CDH13: variants seen among roughly 807,000 people sequenced by gnomAD.
CDH13 encodes the protein cadherin-13.
Under a neutral mutation model 63.8 loss-of-function variants are expected in CDH13, and 24 were observed. The ratio of observed to expected loss-of-function variants is 0.38; its 90% CI spans 0.27 to 0.53. The LOEUF is 0.53. Among genes scored for constraint, CDH13 ranks in the 20% least tolerant of loss-of-function variants. The pLI is 0.85. For synonymous variants in CDH13, 503 were observed against 355.3 expected (o/e 1.42, Z -4.67); for missense variants, 1,049 against 903.1 (o/e 1.16, Z -2.07).
intron 1 of CDH13, among the ~76,000 whole-genome samples, chr16:82,822,578 C>A (rs1288876558): frequency 6.6e-6 from 1 of 152,182 alleles, no homozygotes; most frequent in African/African-American, 2.4e-5. Flanking sequence ...CTCACTGTAG[C>A]CTTCACCTTC....
intron 1 of CDH13, among the ~76,000 whole-genome samples, chr16:82,848,520 T>G (rs752274567): frequency 4.6e-5 from 7 of 152,166 alleles, no homozygotes; most frequent in Non-Finnish European, 1.0e-4. Flanking sequence ...ATTATTACTT[T>G]GTCTATTTTG....
intron 4 of CDH13, among the ~76,000 whole-genome samples, chr16:83,148,082 C>T (rs1310576514): frequency 1.3e-5 from 2 of 152,128 alleles, no homozygotes; most frequent in East Asian, 1.9e-4. Context: ...GGATTACAGG[C>T]GTGCGCCACC....
At chr16:82,866,960 G>A (rs2040171153) in intron 2 of CDH13, among the ~76,000 whole-genome samples, 1 of 152,136 alleles carries the variant, frequency 6.6e-6, no homozygotes, top group African/African-American at 2.4e-5. Context: ...ATTTGGGTGG[G>A]GCCACAAAGC....
chr16:83,101,526 C>G (rs1419238772), intron 3 of CDH13, among the ~76,000 whole-genome samples: 1 of 151,584 alleles, frequency 6.6e-6, no homozygotes, highest in African/African-American at 2.4e-5. Context: ...GGCGTGGTGG[C>G]TAATGCCTCT....
At chr16:83,500,282 C>CTT (rs1407582236) in intron 7 of CDH13, among the ~76,000 whole-genome samples, 5 of 2,708 alleles carry the variant, frequency 1.8e-3, no homozygotes, top group Non-Finnish European at 0.029. Context: ...TCTTCTTCTT[C>CTT]TTCTTCTTCT....
intron 5 of CDH13, among the ~76,000 whole-genome samples, chr16:83,243,849 T>C (rs928082323): frequency 6.6e-6 from 1 of 152,226 alleles, no homozygotes; most frequent in Non-Finnish European, 1.5e-5. Context: ...ATGGGCAACC[T>C]ATTGAACACA....
intron 1 of CDH13, among the ~76,000 whole-genome samples, chr16:82,673,429 A>G (rs1484725547): frequency 1.3e-5 from 2 of 152,198 alleles, no homozygotes; most frequent in South Asian, 2.1e-4. Flanking sequence ...AGCCTTGGGA[A>G]TTAAAATTTT....
intron 6 of CDH13, among the ~76,000 whole-genome samples, chr16:83,379,815 C>A (rs1424174): frequency 0.99 from 150,465 of 151,672 alleles, 74,642 homozygotes; most frequent in East Asian, 1. Flanking sequence ...ATAAAACTGC[C>A]ATTCAAAGGA....
chr16:83,332,623 A>T (rs2090503487), intron 5 of CDH13, among the ~76,000 whole-genome samples: 1 of 152,056 alleles, frequency 6.6e-6, no homozygotes. Context: ...AATCCCCTTA[A>T]CCCTTGTACA....
intron 7 of CDH13, among the ~76,000 whole-genome samples, chr16:83,592,437 A>T (rs1289232634): frequency 6.6e-6 from 1 of 152,216 alleles, no homozygotes; most frequent in Non-Finnish European, 1.5e-5. Flanking sequence ...CACTAAATAA[A>T]TGTTTCAGTG....
chr16:83,256,733 T>C lies in CDH13; in HGVS notation c.636+39236T>C, dbSNP rs1256225751. On this transcript the variant is annotated intron_variant, in intron 5 of 13. Transcript: ENST00000567109. The stretch of plus-strand genomic sequence containing the variant: ...GGTGGCGGCTGCCTGTAGTCCCAGC[T>C]ACTTGGGAGGCTGAGGCAGGAGAAT... 1.0e-4 allele frequency among the ~76,000 whole-genome samples: 15 copies of C among 146,764 alleles called. No homozygotes were observed. In the East Asian group the frequency reaches 2.8e-3, roughly 28 times the overall value.
chr16:83,155,086 C>T (rs970359850), intron 4 of CDH13, among the ~76,000 whole-genome samples: 1 of 152,332 alleles, frequency 6.6e-6, no homozygotes, highest in East Asian at 1.9e-4. Flanking sequence ...TCTGTGGGAA[C>T]AGTCAAATTT....
chr16:82,921,590 A>T (rs752271285), intron 2 of CDH13, among the ~76,000 whole-genome samples: 3 of 152,196 alleles, frequency 2.0e-5, no homozygotes, highest in Non-Finnish European at 2.9e-5. Flanking sequence ...AGGGCTCAGG[A>T]TCTGACATCT....
At chr16:83,545,676 A>G (rs910643653) in intron 7 of CDH13, among the ~76,000 whole-genome samples, 5 of 152,074 alleles carry the variant, frequency 3.3e-5, no homozygotes, top group Admixed American at 2.6e-4. Flanking sequence ...GCCATCCTTT[A>G]GACTCTCCAT....
At chr16:83,180,494 T>C (rs1295837846) in intron 4 of CDH13, among the ~76,000 whole-genome samples, 1 of 152,246 alleles carries the variant, frequency 6.6e-6, no homozygotes, top group African/African-American at 2.4e-5. Context: ...AACGTAGGAC[T>C]CACCTTTTGG....
At chr16:83,239,760 G>C (rs1904302711) in intron 5 of CDH13, among the ~76,000 whole-genome samples, 1 of 152,160 alleles carries the variant, frequency 6.6e-6, no homozygotes, top group African/African-American at 2.4e-5. Context: ...TAACAGCAGT[G>C]AACCAGAGTT....
chr16:83,349,537 A>C (rs1261568542), intron 6 of CDH13, among the ~76,000 whole-genome samples: 1 of 152,036 alleles, frequency 6.6e-6, no homozygotes, highest in African/African-American at 2.4e-5. Flanking sequence ...GACAGATACC[A>C]GGTAAGGTGA....
chr16:82,782,853 G>A (rs559361660), intron 1 of CDH13, among the ~76,000 whole-genome samples: 10 of 152,196 alleles, frequency 6.6e-5, no homozygotes, highest in Admixed American at 2.6e-4. Context: ...TAAGTTCTGC[G>A]CAGGGGCCTG....
chr16:83,232,023 C>G (rs1398719738), intron 5 of CDH13, among the ~76,000 whole-genome samples: 1 of 150,810 alleles, frequency 6.6e-6, no homozygotes, highest in Non-Finnish European at 1.5e-5. Flanking sequence ...ACAATGAGAA[C>G]ACATGGACAC....
Sources: gnomAD v4.1 joint callset for allele counts (sites outside exome capture counted in the v4.1 genomes callset) on GRCh38, gnomAD v4.1.1 for gene constraint, MANE v1.5 for transcripts, NCBI Gene and HGNC (gene_info 2026-07-23, HGNC 2026-07-21) for gene names.